RAB3GAP2: variants seen among roughly 807,000 people sequenced by gnomAD.
RAB3GAP2 encodes the protein RAB3 GTPase activating non-catalytic protein subunit 2.
In RAB3GAP2, 87 loss-of-function variants were observed where a neutral mutation model predicts 185.3. That is an observed-to-expected ratio of 0.47 (90% CI 0.39 to 0.56). RAB3GAP2 has a LOEUF of 0.56. RAB3GAP2 is among the 20% of genes least tolerant of loss of function. RAB3GAP2 has a pLI of 0.00. For synonymous variants in RAB3GAP2, 554 were observed against 576.1 expected, an observed-to-expected ratio of 0.96 and a Z score of 0.55; for missense variants, 1,492 against 1,638.2, an observed-to-expected ratio of 0.91 and a Z score of 1.54.
chr1:220,197,333 A>G (rs1315395282), intron 9 of RAB3GAP2, among the ~76,000 whole-genome samples: 3 of 148,744 alleles, frequency 2.0e-5, no homozygotes, highest in African/African-American at 7.4e-5. Context: ...AATTTCATAT[A>G]CATATATTTC....
chr1:220,202,375 C>T lies in RAB3GAP2; in HGVS notation c.713-1G>A. 6.2e-7 allele frequency: 1 copy of T among 1,612,498 alleles called. No homozygotes were observed. Among genetic ancestry groups the T allele is most frequent in the Non-Finnish European group, 8.5e-7 (1 of 1,178,922 alleles). ...ATGTTCTCATTGCCTGATGCTGCAG[C>T]TACCAAAGATAAAATAAGACAATCC... On this transcript the variant is annotated splice_acceptor_variant, in intron 8 of 34. Coordinates refer to ENST00000358951, the MANE Select transcript of RAB3GAP2 (RefSeq NM_012414.4). LOFTEE classifies it high-confidence loss of function.
chr1:220,218,076 C>T (rs1179285552), intron 2 of RAB3GAP2, among the ~76,000 whole-genome samples: 1 of 152,194 alleles, frequency 6.6e-6, no homozygotes, highest in African/African-American at 2.4e-5. Flanking sequence ...TATGATATCC[C>T]TAACCTGCTT....
chr1:220,257,675 C>T (rs1435991541), intron 1 of RAB3GAP2, among the ~76,000 whole-genome samples: 1 of 151,800 alleles, frequency 6.6e-6, no homozygotes, highest in Non-Finnish European at 1.5e-5. Flanking sequence ...AACTAGAGAA[C>T]CAAGAGTAAA....
At chr1:220,185,807 A>G in intron 17 of RAB3GAP2, 66 bp from the exon 18 acceptor site, 18 of 1,260,748 alleles carry the variant, frequency 1.4e-5, no homozygotes, top group Non-Finnish European at 2.1e-5. Flanking sequence ...TAAATCTTAT[A>G]TTTATGCCCA....
chr1:220,198,364 C>T (rs1225603105), intron 9 of RAB3GAP2, among the ~76,000 whole-genome samples: 1 of 152,166 alleles, frequency 6.6e-6, no homozygotes, highest in Non-Finnish European at 1.5e-5. Context: ...TTCCCATCCT[C>T]GATCCTTTGA....
chr1:220,182,200 C>T, intron 21 of RAB3GAP2, 57 bp downstream of exon 21: 2 of 1,600,438 alleles, frequency 1.2e-6, no homozygotes, highest in East Asian at 2.2e-5. Context: ...AGAAGACTGA[C>T]ACTTCTGGGT....
At chr1:220,189,642 TTTC>T (rs1460106983) in intron 17 of RAB3GAP2, 58 bp downstream of exon 17, 4 of 1,442,278 alleles carry the variant, frequency 2.8e-6, no homozygotes, top group Non-Finnish European at 1.9e-6. Context: ...AAATAAAGAT[TTTC>T]TTAAGAAGGA....
chr1:220,205,392 G>A (rs1658944769), intron 8 of RAB3GAP2, among the ~76,000 whole-genome samples: 2 of 152,020 alleles, frequency 1.3e-5, no homozygotes, highest in South Asian at 4.1e-4. Context: ...CTCCCTGCTG[G>A]GTCCTGCCTA....
rs1430761701 is a variant in RAB3GAP2, at chr1:220,148,345, A to G, written c.*2906T>C. 1.3e-5 allele frequency: 2 copies of G among 152,470 alleles called. No homozygotes were observed. The highest frequency in any genetic ancestry group is 2.9e-5 in the Non-Finnish European group (2 of 68,218). 9.4% of individuals were successfully genotyped at this position (152,470 alleles called of 1,614,324 possible). ...ATACATAAGAAGTTCACAACAATGAACAGACAGAAAATAGCAGTATATACA... is the reference window on the plus strand; with the variant it reads ...ATACATAAGAAGTTCACAACAATGAGCAGACAGAAAATAGCAGTATATACA... On this transcript the variant is annotated 3_prime_UTR_variant, in exon 35 of 35. Coordinates refer to ENST00000358951, the MANE Select transcript of RAB3GAP2 (RefSeq NM_012414.4).
chr1:220,267,898 T>C (rs1274229457), intron 1 of RAB3GAP2: 2 of 772,062 alleles, frequency 2.6e-6, no homozygotes, highest in Non-Finnish European at 4.7e-6. Context: ...GAAATGCAGT[T>C]TTCTTCAGAT....
At chr1:220,152,852 G>A (rs529415072) in intron 33 of RAB3GAP2, among the ~76,000 whole-genome samples, 5 of 152,038 alleles carry the variant, frequency 3.3e-5, no homozygotes, top group East Asian at 3.9e-4. Context: ...CACGACACCC[G>A]GCCCTCTTTA....
chr1:220,258,701 A>G (rs1390603510), intron 1 of RAB3GAP2, among the ~76,000 whole-genome samples: 1 of 152,078 alleles, frequency 6.6e-6, no homozygotes, highest in Non-Finnish European at 1.5e-5. Context: ...CTCTCTCACC[A>G]CTCTTATTCA....
intron 1 of RAB3GAP2, chr1:220,266,805 T>C: frequency 6.3e-7 from 1 of 1,594,910 alleles, no homozygotes; most frequent in Non-Finnish European, 8.6e-7. Context: ...AGCATTGGCC[T>C]CTGGCTGGGA....
At chr1:220,264,279 T>A (rs1660191419) in intron 1 of RAB3GAP2, among the ~76,000 whole-genome samples, 1 of 152,106 alleles carries the variant, frequency 6.6e-6, no homozygotes, top group Admixed American at 6.5e-5. Flanking sequence ...TTTATGTAAA[T>A]AAGTGAGGAA....
At chr1:220,212,850 G>A in intron 4 of RAB3GAP2, 37 bp downstream of exon 4, 2 of 1,485,276 alleles carry the variant, frequency 1.3e-6, no homozygotes, top group South Asian at 2.3e-5. Flanking sequence ...ATACATACAT[G>A]TAACACACAG....
chr1:220,153,057 T>C, intron 33 of RAB3GAP2, 128 bp downstream of exon 33: 1 of 749,232 alleles, frequency 1.3e-6, no homozygotes, highest in South Asian at 1.5e-5. Context: ...TCTATTGTTC[T>C]ATTTTTATAC....
intron 20 of RAB3GAP2, 83 bp downstream of exon 20, chr1:220,182,635 G>T (rs1658433222): frequency 2.4e-6 from 3 of 1,273,364 alleles, no homozygotes; most frequent in Admixed American, 2.5e-5. Context: ...AAAACAAATG[G>T]AATCTCTGAG....
intron 2 of RAB3GAP2, among the ~76,000 whole-genome samples, chr1:220,216,860 C>T (rs1659210227): frequency 6.6e-6 from 1 of 151,918 alleles, no homozygotes; most frequent in Non-Finnish European, 1.5e-5. Flanking sequence ...ATCAGTAAAT[C>T]CTAAAAATAT....
chr1:220,227,497 G>A (rs1427567219), intron 2 of RAB3GAP2, among the ~76,000 whole-genome samples: 1 of 152,184 alleles, frequency 6.6e-6, no homozygotes, highest in Non-Finnish European at 1.5e-5. Flanking sequence ...GCACTGTGGA[G>A]TTTTTAGTGT....
Sources: allele counts gnomAD v4.1 joint callset (sites outside exome capture counted in the v4.1 genomes callset), GRCh38; gene constraint gnomAD v4.1.1; transcripts MANE v1.5; gene names NCBI Gene and HGNC (gene_info 2026-07-23, HGNC 2026-07-21).